IL6R: variants seen among roughly 807,000 people sequenced by gnomAD.
IL6R encodes the protein interleukin 6 receptor.
IL6R carries 38 observed loss-of-function variants against 48.3 expected under a neutral mutation model. The ratio of observed to expected loss-of-function variants is 0.79; its 90% CI spans 0.61 to 1.03. The LOEUF is 1.03. Ranked by LOEUF, IL6R falls within the 50% of genes least tolerant of loss-of-function variation. The pLI is 0.00. For synonymous variants in IL6R, 264 were observed against 256.2 expected (o/e 1.03, Z -0.29); for missense variants, 534 against 618.3 (o/e 0.86, Z 1.45).
In IL6R at chr1:154,466,502, T is replaced by A. The variant is rs1691558776; in HGVS notation, c.*1122T>A. On this transcript the variant is annotated 3_prime_UTR_variant, in exon 10 of 10. Transcript: ENST00000368485. ...TCAGCATAGAAGTAACTTACTTAGG[T>A]GTGGGGGAAGCACCATAACTTTGTT... The A allele has an allele frequency of 6.6e-6, 1 of 152,214 alleles. No individual in the cohort carries two copies. The highest frequency in any genetic ancestry group is 6.5e-5 in the Admixed American group (1 of 15,278). 9.4% of individuals were successfully genotyped at this position (152,214 alleles called of 1,614,324 possible). A position where few individuals can be genotyped will look rare whatever the true frequency, so the allele number is the denominator to read the frequency against.
At chr1:154,452,589 T>C (rs1570997886) in intron 8 of IL6R, among the ~76,000 whole-genome samples, 1 of 152,086 alleles carries the variant, frequency 6.6e-6, no homozygotes, top group Admixed American at 6.6e-5. Context: ...TCCCAGCACT[T>C]TGGGAGCCGA....
chr1:154,415,370 T>A (rs958346713), intron 1 of IL6R, among the ~76,000 whole-genome samples: 1 of 152,262 alleles, frequency 6.6e-6, no homozygotes, highest in Non-Finnish European at 1.5e-5. Context: ...CTGACATCTC[T>A]TTACAGTTTA....
chr1:154,447,556 C>CATACATATATATACACATACAT (rs1570987609), intron 6 of IL6R, among the ~76,000 whole-genome samples: 1 of 135,678 alleles, frequency 7.4e-6, no homozygotes, highest in African/African-American at 2.9e-5. Flanking sequence ...TACACATACA[C>CATACATATATATACACATACAT]ATATATATAT....
Position 154,405,900 on chromosome 1 carries a change from C to A in IL6R, c.85+186C>A, listed in dbSNP as rs1021541346. On this transcript the variant is annotated intron_variant, in intron 1 of 9. Coordinates refer to ENST00000368485, the MANE Select transcript of IL6R (RefSeq NM_000565.4). This position sits in a 1 kb window ranked among gnomAD's most constrained non-coding sequence, Gnocchi z 5.2. ...TCGCGGGTAGTGGCTCTTGCGCCCC[C>A]TGCTGCGCTTGCTCCCTTGGTCCGG... Among the ~76,000 whole-genome samples, 3 of 152,158 alleles carry A rather than the reference C, an allele frequency of 2.0e-5. No homozygotes were observed. Among genetic ancestry groups the A allele is most frequent in the African/African-American group, 7.2e-5 (3 of 41,434 alleles).
chr1:154,438,933 C>T (rs1689784028), intron 6 of IL6R, among the ~76,000 whole-genome samples: 2 of 152,150 alleles, frequency 1.3e-5, no homozygotes, highest in Admixed American at 6.5e-5. Flanking sequence ...AGGAGTGGGG[C>T]CTAACTACTA....
rs1274153124 is a variant in IL6R at position 154,429,225 on chromosome 1, C to G, written c.115C>G (p.Pro39Ala). ...EVARGVLTSL[P>A]GDSVTLTCPG... ...GGCGAGAGGCGTGCTGACCAGTCTG[C>G]CAGGAGACAGCGTGACTCTGACCTG... Residue 39 changes from proline to alanine, a missense_variant, in exon 2 of 10, where the codon CCA becomes GCA. Coordinates refer to ENST00000368485, the MANE Select transcript of IL6R (RefSeq NM_000565.4). 1 of 1,613,652 alleles carries G rather than the reference C, an allele frequency of 6.2e-7. No homozygotes were observed. The highest frequency in any genetic ancestry group is 1.1e-5 in the South Asian group (1 of 91,074).
intron 1 of IL6R, among the ~76,000 whole-genome samples, chr1:154,427,359 C>G (rs1689034717): frequency 6.6e-6 from 1 of 152,108 alleles, no homozygotes; most frequent in East Asian, 1.9e-4. Flanking sequence ...GCAGCCTCCT[C>G]AAATGTTTAT....
intron 1 of IL6R, chr1:154,414,332 G>C: frequency 9.0e-7 from 1 of 1,109,306 alleles, no homozygotes; most frequent in Non-Finnish European, 1.3e-6. Flanking sequence ...TTTAAATAAT[G>C]TGTGCCCTGC....
chr1:154,463,386 T>G (rs1305922618), intron 9 of IL6R, among the ~76,000 whole-genome samples: 1 of 152,234 alleles, frequency 6.6e-6, no homozygotes, highest in Non-Finnish European at 1.5e-5. Flanking sequence ...GATTGTTTAT[T>G]TCATTTGGAT....
At position 154,435,956 on chromosome 1, in the gene IL6R, C is replaced by A. The variant is rs114283925; in HGVS notation, c.808-13C>A. The A allele has an allele frequency of 1.9e-3, 2,959 of 1,588,176 alleles. 55 individuals are homozygous for A. In the African/African-American group the frequency reaches 0.035, roughly 19 times the overall value. ...TGGATACCTCCCCAGAGTCACCGTG[C>A]CCCCGCCCTCAGGTCAAGGACCTCC... On this transcript the variant is annotated splice_polypyrimidine_tract_variant and intron_variant, in intron 5 of 9. Coordinates refer to ENST00000368485, the MANE Select transcript of IL6R (RefSeq NM_000565.4).
intron 9 of IL6R, among the ~76,000 whole-genome samples, chr1:154,456,487 G>A (rs1263557530): frequency 1.3e-5 from 2 of 152,126 alleles, no homozygotes; most frequent in Admixed American, 6.5e-5. Flanking sequence ...GATTACAGGC[G>A]TGAGCCACTG....
At position 154,423,257 on chromosome 1, in the gene IL6R, TTAAATA is replaced by T. The variant is rs1394975867; in HGVS notation, c.86-5936_86-5931del. Among the ~76,000 whole-genome samples, 10 of 54,152 alleles carry T rather than the reference TTAAATA, an allele frequency of 1.8e-4. 1 individual carries two copies. Among genetic ancestry groups the T allele is most frequent in the Non-Finnish European group, 4.1e-4 (10 of 24,448 alleles). 35.5% of individuals were successfully genotyped at this position (54,152 alleles called of 152,430 possible). ...GACCCAGGCTATGTAGCTTGTTTAA[TTAAATA>T]TATATATATATATATATATATGTAT... is the stretch of plus-strand genomic sequence containing the variant. On this transcript the variant is annotated intron_variant, in intron 1 of 9. Coordinates refer to ENST00000368485, the MANE Select transcript of IL6R (RefSeq NM_000565.4).
chr1:154,452,244 G>C (rs1355362555), intron 8 of IL6R, among the ~76,000 whole-genome samples: 1 of 152,132 alleles, frequency 6.6e-6, no homozygotes, highest in East Asian at 1.9e-4. Flanking sequence ...ATCTCCCCCA[G>C]AGTAAAAGTC....
rs575857161 is a variant in IL6R at position 154,442,573 on chromosome 1, G to A, written c.950-5552G>A. Among the ~76,000 whole-genome samples the A allele has an allele frequency of 1.9e-3, 288 of 152,322 alleles. 2 individuals are homozygous for A. The highest frequency in any genetic ancestry group is 4.3e-3 in the South Asian group (21 of 4,828). The stretch of plus-strand genomic sequence containing the variant: ...AGCAGGTGCTGCCCCCTTGAGGCTG[G>A]GGCCTGGCCCCCCGCACAGACTGTA... On this transcript the variant is annotated intron_variant, in intron 6 of 9. Coordinates refer to ENST00000368485, the MANE Select transcript of IL6R (RefSeq NM_000565.4).
intron 6 of IL6R, among the ~76,000 whole-genome samples, chr1:154,446,335 G>A (rs889507762): frequency 4.6e-5 from 7 of 152,126 alleles, no homozygotes; most frequent in Non-Finnish European, 5.9e-5. Context: ...TTCCTCTGGT[G>A]CTGCTGGTGT....
intron 6 of IL6R, chr1:154,445,074 G>A (rs1326058856): frequency 6.6e-6 from 3 of 456,058 alleles, no homozygotes; most frequent in Non-Finnish European, 1.3e-5. Flanking sequence ...ATCCCGGGTG[G>A]CATTTGGGAC....
rs750678431 is a variant in IL6R, at chr1:154,448,136, C to T, written c.961C>T (p.Pro321Ser). The change falls in exon 7 of 10, where the codon CCT becomes TCT. Residue 321 changes from proline (P) to serine (S), a missense_variant. Coordinates refer to ENST00000368485, the MANE Select transcript of IL6R (RefSeq NM_000565.4). ...TCTTCTGTCCGCAGAATCCAGGAGTCCTCCAGCTGAGAACGAGGTGTCCAC... is the reference window on the plus strand; with the variant it reads ...TCTTCTGTCCGCAGAATCCAGGAGTTCTCCAGCTGAGAACGAGGTGTCCAC... ...MGTPWTESRS[P>S]PAENEVSTPM... is the part of the protein sequence containing the mutation. The T allele has an allele frequency of 1.2e-6, 2 of 1,613,748 alleles. No homozygotes were observed. Among genetic ancestry groups the T allele is most frequent in the African/African-American group, 2.7e-5 (2 of 74,902 alleles).
intron 6 of IL6R, among the ~76,000 whole-genome samples, chr1:154,447,811 T>C (rs1690358628): frequency 6.6e-6 from 1 of 151,642 alleles, no homozygotes; most frequent in South Asian, 2.1e-4. Flanking sequence ...GCCTCCCGGG[T>C]TCAAACGATT....
intron 1 of IL6R, among the ~76,000 whole-genome samples, chr1:154,420,384 G>A (rs530631116): frequency 2.6e-5 from 4 of 151,880 alleles, no homozygotes; most frequent in Non-Finnish European, 5.9e-5. Flanking sequence ...TGCCAGGGGC[G>A]GTGACGTGCC....
Sources: allele counts gnomAD v4.1 joint callset (sites outside exome capture counted in the v4.1 genomes callset), GRCh38; gene constraint gnomAD v4.1.1; non-coding constraint Gnocchi (gnomAD v3.1); transcripts MANE v1.5; gene names NCBI Gene and HGNC (gene_info 2026-07-23, HGNC 2026-07-21).